The following ADAMTS20 variants were observed in gnomAD, a reference collection of about 807,000 sequenced individuals.
ADAMTS20 encodes the protein ADAM metallopeptidase with thrombospondin type 1 motif 20.
Under a neutral mutation model 260.1 loss-of-function variants are expected in ADAMTS20, and 225 were observed. The observed-to-expected ratio is 0.87, with a 90% CI of 0.78 to 0.97. ADAMTS20 has a LOEUF of 0.97. Among genes scored for constraint, ADAMTS20 ranks in the 50% least tolerant of loss-of-function variants. The pLI, the probability that ADAMTS20 is intolerant of heterozygous loss-of-function variation, is 0.00. For synonymous variants in ADAMTS20, 802 were observed against 769.5 expected (o/e 1.04, Z -0.70); for missense variants, 2,400 against 2,337.7 (o/e 1.03, Z -0.55).
rs1164607417 is a variant in ADAMTS20, at chr12:43,486,618, A to G, written c.1117+3777T>C. 3.3e-5 allele frequency among the ~76,000 whole-genome samples: 5 copies of G among 152,226 alleles called. 1 individual carries two copies. In the East Asian group the frequency reaches 9.6e-4, roughly 29 times the overall value. Reference sequence around the variant, plus strand: ...TCAAAAGCTTCTGCACAGCAAAAGAAATAATCATCAGAGTAAAAAGACAAT... The same window carrying G: ...TCAAAAGCTTCTGCACAGCAAAAGAGATAATCATCAGAGTAAAAAGACAAT... On this transcript the variant is annotated intron_variant, in intron 7 of 38. Transcript: ENST00000389420.
chr12:43,464,592 A>G lies in ADAMTS20; in HGVS notation c.1508T>C (p.Ile503Thr), dbSNP rs541906590. 9 of 1,611,672 alleles carry G rather than the reference A, an allele frequency of 5.6e-6. No individual in the cohort carries two copies. Among genetic ancestry groups the G allele is most frequent in the Admixed American group, 1.7e-5 (1 of 59,402 alleles). ...FGPGSQMCPH[I>T]NICMHLWCTS... is the part of the protein sequence containing the mutation. ...AATAAAGGAATTTTCTTTTCTTACT[A>G]TATGGGGACACATTTGTGACCCAGG... is the stretch of plus-strand genomic sequence containing the variant. Residue 503 changes from isoleucine to threonine, a missense_variant and splice_region_variant, in exon 10 of 39, where the codon ATA becomes ACA. Ile to Thr is a moderately conservative substitution (Grantham distance 89). Transcript: ENST00000389420.
chr12:43,471,456 A>T (rs372587872), intron 7 of ADAMTS20, among the ~76,000 whole-genome samples: 1 of 116,528 alleles, frequency 8.6e-6, no homozygotes, highest in Non-Finnish European at 1.8e-5. Flanking sequence ...CAAAGGAGCC[A>T]GGAAGCTCGA....
At chr12:43,427,543 A>G in intron 26 of ADAMTS20, 74 bp from the exon 27 acceptor site, 1 of 1,403,048 alleles carries the variant, frequency 7.1e-7, no homozygotes, top group East Asian at 2.5e-5. Flanking sequence ...AAAAAAAAAA[A>G]ATCAGCATTG....
At chr12:43,540,448 C>T (rs1592116880) in intron 2 of ADAMTS20, among the ~76,000 whole-genome samples, 1 of 152,098 alleles carries the variant, frequency 6.6e-6, no homozygotes, top group Admixed American at 6.5e-5. Context: ...AGGATAAATA[C>T]TTGTCCTTTT....
At chr12:43,526,577 C>A (rs1159711102) in intron 3 of ADAMTS20, among the ~76,000 whole-genome samples, 2 of 152,158 alleles carry the variant, frequency 1.3e-5, no homozygotes, top group African/African-American at 4.8e-5. Flanking sequence ...CAATCTGCTC[C>A]TGAATGATTT....
chr12:43,485,329 T>C (rs1003984152), intron 7 of ADAMTS20, among the ~76,000 whole-genome samples: 1 of 152,074 alleles, frequency 6.6e-6, no homozygotes, highest in Admixed American at 6.6e-5. Context: ...AACTATATGA[T>C]CATATCAATA....
chr12:43,543,699 G>A (rs1390265165), intron 2 of ADAMTS20, among the ~76,000 whole-genome samples: 1 of 152,126 alleles, frequency 6.6e-6, no homozygotes, highest in Non-Finnish European at 1.5e-5. Flanking sequence ...CAGAAGAGCA[G>A]CCTGTAATAA....
intron 2 of ADAMTS20, among the ~76,000 whole-genome samples, chr12:43,546,551 C>G (rs1006965318): frequency 1.3e-5 from 2 of 152,116 alleles, no homozygotes; most frequent in Non-Finnish European, 2.9e-5. Flanking sequence ...TCCATCCTGA[C>G]AAGTATATGC....
chr12:43,503,774 C>T (rs1942802133), intron 3 of ADAMTS20, among the ~76,000 whole-genome samples: 1 of 152,032 alleles, frequency 6.6e-6, no homozygotes, highest in South Asian at 2.1e-4. Flanking sequence ...TCTATGTATT[C>T]TTGTTATCTA....
At chr12:43,504,905 A>G (rs1942819649) in intron 3 of ADAMTS20, among the ~76,000 whole-genome samples, 2 of 152,188 alleles carry the variant, frequency 1.3e-5, no homozygotes, top group African/African-American at 4.8e-5. Context: ...TTTGAAAACC[A>G]ATCTGGCAAA....
intron 29 of ADAMTS20, among the ~76,000 whole-genome samples, chr12:43,396,066 T>C (rs1050587982): frequency 2.0e-5 from 3 of 152,078 alleles, no homozygotes; most frequent in African/African-American, 7.2e-5. Flanking sequence ...TGGGGTGGGA[T>C]TATTTTTTCT....
At chr12:43,513,305 T>C (rs979885627) in intron 3 of ADAMTS20, among the ~76,000 whole-genome samples, 2 of 152,176 alleles carry the variant, frequency 1.3e-5, no homozygotes, top group African/African-American at 4.8e-5. Context: ...AACCAACCCA[T>C]AGGACTTGTT....
At chr12:43,460,057 A>G (rs2137368269) in intron 11 of ADAMTS20, among the ~76,000 whole-genome samples, 1 of 152,334 alleles carries the variant, frequency 6.6e-6, no homozygotes, top group East Asian at 1.9e-4. Flanking sequence ...AAAATTATAG[A>G]ATATTTGTTT....
chr12:43,440,210 A>C, intron 16 of ADAMTS20, 141 bp from the exon 17 acceptor site: 4 of 631,148 alleles, frequency 6.3e-6, no homozygotes, highest in Non-Finnish European at 1.0e-5. Flanking sequence ...GTGGCACAAT[A>C]TTGGCTCACT....
rs1337074550 is a variant in ADAMTS20 at position 43,453,906 on chromosome 12, C to T, written c.1760+1G>A. 6.3e-7 allele frequency: 1 copy of T among 1,594,360 alleles called. No homozygotes were observed. Among genetic ancestry groups the T allele is most frequent in the Non-Finnish European group, 8.6e-7 (1 of 1,169,152 alleles). On this transcript the variant is annotated splice_donor_variant, in intron 12 of 38. Transcript: ENST00000389420. LOFTEE classifies it high-confidence loss of function. ...TTTATAGTGACATAAAAAAGACATA[C>T]TCAGGACGATTACAGCGCCTGGTTG...
In ADAMTS20 at chr12:43,467,992, T is replaced by C. The variant is rs1053328441; in HGVS notation, c.1223+608A>G. Among the ~76,000 whole-genome samples, 156 of 152,140 alleles carry C rather than the reference T, an allele frequency of 1.0e-3. 1 individual carries two copies. The highest frequency in any genetic ancestry group is 9.7e-4 in the East Asian group (5 of 5,172). On this transcript the variant is annotated intron_variant, in intron 8 of 38. Transcript: ENST00000389420. The stretch of plus-strand genomic sequence containing the variant: ...AGGATACATTTGTAGGGGTTTCTGA[T>C]TTTCCATGGGAGCTCCAAGGGTATC...
intron 29 of ADAMTS20, among the ~76,000 whole-genome samples, chr12:43,390,239 T>C (rs928115560): frequency 1.3e-5 from 2 of 152,232 alleles, no homozygotes; most frequent in East Asian, 1.9e-4. Flanking sequence ...CAATATATTA[T>C]GGCATCTGTT....
chr12:43,504,431 C>T (rs986102864), intron 3 of ADAMTS20, among the ~76,000 whole-genome samples: 2 of 151,922 alleles, frequency 1.3e-5, no homozygotes, highest in Non-Finnish European at 2.9e-5. Flanking sequence ...TGTTATGTTC[C>T]TAGGTTTTAA....
intron 29 of ADAMTS20, among the ~76,000 whole-genome samples, chr12:43,391,410 TG>T (rs1940594223): frequency 6.6e-6 from 1 of 152,312 alleles, no homozygotes. Context: ...GAGCTCTTAC[TG>T]TGTTGCCTCC....
Sources: allele counts gnomAD v4.1 joint callset (sites outside exome capture counted in the v4.1 genomes callset), GRCh38; gene constraint gnomAD v4.1.1; transcripts MANE v1.5; gene names NCBI Gene and HGNC (gene_info 2026-07-23, HGNC 2026-07-21).